The following COL22A1 variants were observed in gnomAD, a reference collection of about 807,000 sequenced individuals.
The protein encoded by COL22A1 is collagen type XXII alpha 1 chain, also known as collagen alpha-1(XXII) chain.
COL22A1 carries 221 observed loss-of-function variants against 248.9 expected under a neutral mutation model. The observed-to-expected ratio is 0.89, with a 90% CI of 0.80 to 0.99. The LOEUF is 0.99. Among genes scored for constraint, COL22A1 ranks in the 50% least tolerant of loss-of-function variants. The pLI is 0.00. For synonymous variants in COL22A1, 891 were observed against 793.4 expected (o/e 1.12, Z -2.07); for missense variants, 2,240 against 2,179.0 (o/e 1.03, Z -0.56).
rs143070121 is a variant in COL22A1, at chr8:138,799,105, C to T, written c.1558-2248G>A. Among the ~76,000 whole-genome samples, 217 of 152,240 alleles carry T rather than the reference C, an allele frequency of 1.4e-3. 1 individual carries two copies. The highest frequency in any genetic ancestry group is 5.0e-3 in the African/African-American group (207 of 41,568). On this transcript the variant is annotated intron_variant, in intron 11 of 64. Coordinates refer to ENST00000303045, the MANE Select transcript of COL22A1 (RefSeq NM_152888.3). ...ATTCTGATCTTTCTTTTGAGCCCCTCTAGTTTTTTCTATTTCATTTATTAT... is the reference window on the plus strand; with the variant it reads ...ATTCTGATCTTTCTTTTGAGCCCCTTTAGTTTTTTCTATTTCATTTATTAT...
At chr8:138,642,934 C>T (rs986184399) in intron 47 of COL22A1, among the ~76,000 whole-genome samples, 3 of 151,424 alleles carry the variant, frequency 2.0e-5, no homozygotes, top group Non-Finnish European at 4.4e-5. Context: ...GGGGCTGAGG[C>T]AGGAGAATCG....
At chr8:138,731,171 C>G (rs1203949639) in intron 23 of COL22A1, among the ~76,000 whole-genome samples, 2 of 152,024 alleles carry the variant, frequency 1.3e-5, no homozygotes, top group Non-Finnish European at 2.9e-5. Context: ...TGTGGTGACG[C>G]ATGCCTGTAA....
chr8:138,824,620 G>A (rs2131775611), intron 6 of COL22A1, among the ~76,000 whole-genome samples: 1 of 152,314 alleles, frequency 6.6e-6, no homozygotes, highest in African/African-American at 2.4e-5. Flanking sequence ...AAGGGTGGTT[G>A]TAAATGGCAA....
In COL22A1 at chr8:138,755,515, A is replaced by G; in HGVS notation, c.1948-4T>C. The G allele has an allele frequency of 6.2e-7, 1 of 1,614,058 alleles. No individual in the cohort carries two copies. Reference sequence around the variant, plus strand: ...CTTTCAAGCCCTCTTGCTGCACCTGAGAGACAAAGCAAGCATTAGCAAAGG... The same window carrying G: ...CTTTCAAGCCCTCTTGCTGCACCTGGGAGACAAAGCAAGCATTAGCAAAGG... On this transcript the variant is annotated splice_region_variant and splice_polypyrimidine_tract_variant and intron_variant, in intron 19 of 64. Transcript: ENST00000303045.
chr8:138,902,201 G>A (rs1814639294), intron 1 of COL22A1, among the ~76,000 whole-genome samples: 1 of 152,174 alleles, frequency 6.6e-6, no homozygotes, highest in South Asian at 2.1e-4. Context: ...TCGTGGCAAA[G>A]GTGGCCAGAG....
Position 138,685,234 on chromosome 8 carries a change from G to A in COL22A1, c.2941C>T (p.Pro981Ser). Reference protein sequence around the residue: ...DPGAPGLPGPPGKGKDGEPGL... With the variant: ...DPGAPGLPGPSGKGKDGEPGL... ...GGCTCTCCATCCTTCCCTTTTCCGG[G>A]TGGCCCAGGGAGCCCAGGAGCACCA... The change falls in exon 38 of 65, where the codon CCC (proline) becomes TCC (serine). Residue 981 changes from proline (P) to serine (S), a missense_variant. Physicochemically the swap from Pro to Ser is moderately conservative, Grantham distance 74 (BLOSUM62 -1). Coordinates refer to ENST00000303045, the MANE Select transcript of COL22A1 (RefSeq NM_152888.3). The A allele has an allele frequency of 6.2e-7, 1 of 1,613,374 alleles. No homozygotes were observed. The highest frequency in any genetic ancestry group is 8.5e-7 in the Non-Finnish European group (1 of 1,179,636).
intron 30 of COL22A1, among the ~76,000 whole-genome samples, chr8:138,713,879 C>T (rs1216134402): frequency 4.6e-5 from 7 of 152,126 alleles, no homozygotes; most frequent in African/African-American, 1.7e-4. Flanking sequence ...CAGACACTAT[C>T]CTGGGTGCTG....
chr8:138,678,155 T>C (rs1825706652), intron 40 of COL22A1, among the ~76,000 whole-genome samples: 1 of 152,146 alleles, frequency 6.6e-6, no homozygotes, highest in Admixed American at 6.5e-5. Context: ...CTGCAAACCA[T>C]ATTCTAGATT....
intron 16 of COL22A1, among the ~76,000 whole-genome samples, chr8:138,772,247 C>A (rs1834431266): frequency 6.6e-6 from 1 of 152,228 alleles, no homozygotes; most frequent in African/African-American, 2.4e-5. Context: ...GGCCACGGGC[C>A]ATGCTGCAGG....
intron 37 of COL22A1, among the ~76,000 whole-genome samples, chr8:138,686,379 T>C (rs961082550): frequency 6.6e-6 from 1 of 152,202 alleles, no homozygotes; most frequent in Non-Finnish European, 1.5e-5. Flanking sequence ...ACGGACTCCT[T>C]TCCCCAGACT....
chr8:138,630,650 G>A, intron 50 of COL22A1, 45 bp downstream of exon 50: 16 of 1,569,322 alleles, frequency 1.0e-5, no homozygotes, highest in Non-Finnish European at 1.3e-5. Context: ...TTCCAGAAAG[G>A]CTAAAGACAG....
At chr8:138,899,536 T>G (rs1814388589) in intron 1 of COL22A1, among the ~76,000 whole-genome samples, 1 of 152,138 alleles carries the variant, frequency 6.6e-6, no homozygotes, top group African/African-American at 2.4e-5. Context: ...AATTTTCTTT[T>G]TTTTTGAGAG....
intron 43 of COL22A1, among the ~76,000 whole-genome samples, chr8:138,660,955 GA>G (rs1564158632): frequency 0.041 from 1,096 of 27,022 alleles, 20 homozygotes; most frequent in African/African-American, 0.11. Context: ...TAAACACACA[GA>G]CACACACGCA....
rs367932437 is a variant in COL22A1, at chr8:138,602,124, T to C, written c.4176A>G (p.Lys1392=). ...VPGKPGEPGF[K]GERGDPGIKG... is the part of the protein sequence containing the mutation. ...TGTGCTCTCCACTCACCCTTTCTCC[T>C]TTGAATCCAGGCTCTCCAGGCTTCC... Residue 1392 remains lysine (K), a synonymous_variant, in exon 60 of 65, where the codon AAA becomes AAG. Coordinates refer to ENST00000303045, the MANE Select transcript of COL22A1 (RefSeq NM_152888.3). 2.5e-5 allele frequency: 41 copies of C among 1,613,980 alleles called. 1 individual carries two copies. The African/African-American group carries it at 4.4e-4, about 17-fold the overall frequency.
rs1052353003 is a variant in COL22A1, at chr8:138,878,194, G to A, written c.214C>T (p.Pro72Ser). ...ACGACCCCCACACGGGTGCGGTCGG[G>A]GCCCACCTCGAAGGTGTCCACCAGG... ...ANLVDTFEVGPDRTRVGVVRY... is the reference protein window; with the variant it reads ...ANLVDTFEVGSDRTRVGVVRY... Residue 72 changes from proline (P) to serine (S), a missense_variant, in exon 3 of 65, where the codon CCC becomes TCC. Physicochemically the swap from Pro to Ser is moderately conservative, Grantham distance 74. Coordinates refer to ENST00000303045, the MANE Select transcript of COL22A1 (RefSeq NM_152888.3). 13 of 1,599,554 alleles carry A rather than the reference G, an allele frequency of 8.1e-6. No individual in the cohort carries two copies. The highest frequency in any genetic ancestry group is 2.3e-5 in the East Asian group (1 of 44,338).
At chr8:138,769,678 G>A (rs1834204539) in intron 16 of COL22A1, among the ~76,000 whole-genome samples, 1 of 152,192 alleles carries the variant, frequency 6.6e-6, no homozygotes, top group African/African-American at 2.4e-5. Context: ...AAAGGCAACC[G>A]AGTGAAGATG....
intron 4 of COL22A1, among the ~76,000 whole-genome samples, chr8:138,834,307 G>A (rs899441846): frequency 6.7e-6 from 1 of 149,242 alleles, no homozygotes; most frequent in Non-Finnish European, 1.5e-5. Flanking sequence ...GTTCCTCATT[G>A]TTTCCAATAC....
chr8:138,726,453 T>C (rs370939619), intron 23 of COL22A1, among the ~76,000 whole-genome samples: 34 of 144,748 alleles, frequency 2.3e-4, no homozygotes, highest in African/African-American at 8.5e-4. Context: ...GCTGTGATTG[T>C]GCCATTGTAC....
intron 44 of COL22A1, among the ~76,000 whole-genome samples, chr8:138,656,932 A>C (rs1823318611): frequency 1.3e-5 from 2 of 152,302 alleles, no homozygotes; most frequent in Admixed American, 6.5e-5. Flanking sequence ...CTATTTCCCC[A>C]TCCCTGACCC....
Sources: gnomAD v4.1 joint callset for allele counts (sites outside exome capture counted in the v4.1 genomes callset) on GRCh38, gnomAD v4.1.1 for gene constraint, MANE v1.5 for transcripts, NCBI Gene and HGNC (gene_info 2026-07-23, HGNC 2026-07-21) for gene names.